XKR9: variants seen among roughly 807,000 people sequenced by gnomAD.
The protein encoded by XKR9 is XK-related protein 9.
A neutral mutation model predicts 32.0 loss-of-function variants in XKR9; 32 were observed. That is an observed-to-expected ratio of 1.00 (90% CI 0.76 to 1.34). XKR9 has a LOEUF of 1.34. Ranked by LOEUF, XKR9 falls within the 40% of genes most tolerant of loss-of-function variation. The pLI is 0.00. For missense variants in XKR9, 546 were observed against 429.7 expected, an observed-to-expected ratio of 1.27 and a Z score of -2.39; for synonymous variants, 168 against 143.4, an observed-to-expected ratio of 1.17 and a Z score of -1.22.
chr8:71,059,786 G>A, the XKR9 span, among the ~76,000 whole-genome samples: 1 of 152,200 alleles, frequency 6.6e-6, no homozygotes, highest in South Asian at 2.1e-4. Context: ...CCTTTTACCT[G>A]GAGAGGGGAG....
At chr8:70,757,373 C>A (rs773637744) in intron 2 of XKR9, among the ~76,000 whole-genome samples, 2 of 151,910 alleles carry the variant, frequency 1.3e-5, no homozygotes, top group Non-Finnish European at 2.9e-5. Context: ...TTTGCAAGTT[C>A]TTTTTTCTTT....
the XKR9 span, among the ~76,000 whole-genome samples, chr8:70,854,233 A>G: frequency 7.9e-5 from 12 of 152,166 alleles, no homozygotes; most frequent in Non-Finnish European, 1.3e-4. Context: ...CTGGTGTGAG[A>G]TGTTATCTCA....
At chr8:70,993,434 C>T in the XKR9 span, among the ~76,000 whole-genome samples, 1 of 152,174 alleles carries the variant, frequency 6.6e-6, no homozygotes, top group African/African-American at 2.4e-5. Flanking sequence ...CTGGCCTTCA[C>T]TCAAGTCTGT....
the XKR9 span, among the ~76,000 whole-genome samples, chr8:70,980,467 G>T: frequency 6.6e-6 from 1 of 152,122 alleles, no homozygotes; most frequent in Admixed American, 6.5e-5. Flanking sequence ...TTCACTTTTG[G>T]TGTCCATTTG....
intron 2 of XKR9, chr8:70,678,002 A>G (rs1818938436): frequency 6.6e-6 from 1 of 152,220 alleles, no homozygotes; most frequent in Non-Finnish European, 1.5e-5. Flanking sequence ...ATTTCTGACA[A>G]TATTTTTTGA....
the XKR9 span, among the ~76,000 whole-genome samples, chr8:70,801,026 C>G: frequency 7.9e-6 from 1 of 125,976 alleles, no homozygotes; most frequent in Non-Finnish European, 1.7e-5. Flanking sequence ...GTAGTAATAT[C>G]TTTTTGTCAT....
the XKR9 span, among the ~76,000 whole-genome samples, chr8:71,033,683 G>T: frequency 6.6e-6 from 1 of 152,120 alleles, no homozygotes; most frequent in Non-Finnish European, 1.5e-5. Flanking sequence ...ATTAGAAAGA[G>T]TCTGACTTCA....
chr8:70,895,698 T>C, the XKR9 span, among the ~76,000 whole-genome samples: 3 of 151,960 alleles, frequency 2.0e-5, no homozygotes, highest in Non-Finnish European at 2.9e-5. Context: ...GAAAGTTCTC[T>C]TGTAGGCTGT....
chr8:70,694,602 G>T (rs1805195102), intron 3 of XKR9, among the ~76,000 whole-genome samples: 2 of 152,244 alleles, frequency 1.3e-5, no homozygotes, highest in Admixed American at 6.5e-5. Flanking sequence ...ACTCTCCAAA[G>T]CCTGAAGGCT....
chr8:70,687,577 C>T (rs1819348751), intron 3 of XKR9, among the ~76,000 whole-genome samples: 1 of 151,744 alleles, frequency 6.6e-6, no homozygotes, highest in African/African-American at 2.4e-5. Flanking sequence ...AGTATGTTGC[C>T]CAGGCTGGTC....
At chr8:70,782,259 A>T (rs1586896832) in intron 2 of XKR9, among the ~76,000 whole-genome samples, 1 of 152,094 alleles carries the variant, frequency 6.6e-6, no homozygotes, top group Non-Finnish European at 1.5e-5. Flanking sequence ...TGTGCATTTT[A>T]TTTTTATTTT....
chr8:70,976,221 T>G, the XKR9 span, among the ~76,000 whole-genome samples: 3 of 149,486 alleles, frequency 2.0e-5, no homozygotes, highest in Non-Finnish European at 4.5e-5. Flanking sequence ...CTTTATTTCT[T>G]TCTCCTGCCT....
the XKR9 span, among the ~76,000 whole-genome samples, chr8:70,994,978 AT>A: frequency 6.6e-6 from 1 of 152,140 alleles, no homozygotes; most frequent in African/African-American, 2.4e-5. Flanking sequence ...AGTAAAGTTT[AT>A]TATGTAGATT....
the XKR9 span, among the ~76,000 whole-genome samples, chr8:70,916,409 A>G: frequency 6.6e-6 from 1 of 152,326 alleles, no homozygotes; most frequent in East Asian, 1.9e-4. Context: ...TGACAAATCA[A>G]GTGGTTATGT....
At chr8:70,738,315 G>A (rs1312493834), downstream of XKR9, among the ~76,000 whole-genome samples, 3 of 143,520 alleles carry the variant, frequency 2.1e-5, no homozygotes, top group East Asian at 1.9e-4. Context: ...CGGTGGTGAT[G>A]TCCCCTTTAT....
chr8:70,754,035 T>A (rs1343507578), intron 2 of XKR9, among the ~76,000 whole-genome samples: 6 of 146,192 alleles, frequency 4.1e-5, no homozygotes, highest in Non-Finnish European at 7.5e-5. Context: ...CAGCCCAAAA[T>A]CTCCTTAAGC....
the XKR9 span, among the ~76,000 whole-genome samples, chr8:70,847,048 CATCAACACATAAAACATTCTCCAGGG>C: frequency 6.6e-6 from 1 of 152,038 alleles, no homozygotes; most frequent in Admixed American, 6.5e-5. Context: ...ACATTCTTCT[CATCAACACATAAAACATTCTCCAGGG>C]TAGATCATAT....
At chr8:70,913,385 A>G in the XKR9 span, among the ~76,000 whole-genome samples, 3 of 152,166 alleles carry the variant, frequency 2.0e-5, no homozygotes, top group South Asian at 4.1e-4. Context: ...ATTGAGAATT[A>G]TTAGAAATAC....
intron 3 of XKR9, among the ~76,000 whole-genome samples, chr8:70,699,802 T>C (rs62530784): frequency 0.072 from 10,935 of 152,258 alleles, 471 homozygotes; most frequent in Non-Finnish European, 0.088. Context: ...CCATTCTCCC[T>C]GTCACTTTCA....
Sources: allele counts gnomAD v4.1 joint callset (sites outside exome capture counted in the v4.1 genomes callset), GRCh38; gene constraint gnomAD v4.1.1; transcripts MANE v1.5; gene names NCBI Gene and HGNC (gene_info 2026-07-23, HGNC 2026-07-21).